The following ASH1L variants were observed in gnomAD, a reference collection of about 807,000 sequenced individuals.
The protein encoded by ASH1L is ASH1 like histone lysine methyltransferase.
A neutral mutation model predicts 269.0 loss-of-function variants in ASH1L; 23 were observed. The observed-to-expected ratio is 0.09, with a 90% confidence interval of 0.06 to 0.12. ASH1L has a LOEUF of 0.12. ASH1L is among the 10% of genes least tolerant of loss of function. ASH1L has a pLI of 1.00. For missense variants in ASH1L, 2,912 were observed against 3,567.8 expected (o/e 0.82, Z 4.68); for synonymous variants, 1,187 against 1,253.5 (o/e 0.95, Z 1.12).
At chr1:155,431,038 CCT>C (rs1024153174) in intron 5 of ASH1L, among the ~76,000 whole-genome samples, 15 of 151,778 alleles carry the variant, frequency 9.9e-5, no homozygotes, top group African/African-American at 3.4e-4. Flanking sequence ...ATGGTGAAAC[CCT>C]GTCTCTACTA....
intron 12 of ASH1L, among the ~76,000 whole-genome samples, chr1:155,369,403 C>T (rs978702899): frequency 1.3e-5 from 2 of 151,328 alleles, no homozygotes; most frequent in Admixed American, 6.6e-5. Context: ...GCTGAGATCG[C>T]GCCACTGCAC....
chr1:155,555,748 T>A (rs2148921449), intron 1 of ASH1L, among the ~76,000 whole-genome samples: 1 of 152,310 alleles, frequency 6.6e-6, no homozygotes, highest in Non-Finnish European at 1.5e-5. Context: ...CACAGGGAAT[T>A]CCCTACTGAT....
In ASH1L at chr1:155,423,347, G is replaced by A. The variant is rs543851647; in HGVS notation, c.5829-7424C>T. Among the ~76,000 whole-genome samples, 6 of 151,926 alleles carry A rather than the reference G, an allele frequency of 3.9e-5. No homozygotes were observed. The East Asian group carries it at 9.9e-4, about 25-fold the overall frequency. ...TGTAATCCCAGCACGTTGGGAGGCCGAGGCAGGCAGATCACGAGTTCAGGA... is the reference window on the plus strand; with the variant it reads ...TGTAATCCCAGCACGTTGGGAGGCCAAGGCAGGCAGATCACGAGTTCAGGA... On this transcript the variant is annotated intron_variant, in intron 5 of 27. Transcript: ENST00000392403.
intron 7 of ASH1L, among the ~76,000 whole-genome samples, chr1:155,390,153 T>TA (rs1657798435): frequency 6.6e-6 from 1 of 151,992 alleles, no homozygotes; most frequent in African/African-American, 2.4e-5. Context: ...GTATCCAAAA[T>TA]AAAAAAAGTT....
intron 13 of ASH1L, 61 bp downstream of exon 13, chr1:155,360,240 A>C: frequency 8.9e-7 from 1 of 1,127,444 alleles, no homozygotes; most frequent in Admixed American, 1.7e-5. Flanking sequence ...CAGAAAGCTC[A>C]TGTTATTACA....
chr1:155,490,165 C>T (rs191934478), intron 2 of ASH1L, among the ~76,000 whole-genome samples: 2 of 151,778 alleles, frequency 1.3e-5, no homozygotes, highest in Admixed American at 1.3e-4. Flanking sequence ...GGGGTTTCAC[C>T]GTGTTAGCCA....
intron 3 of ASH1L, among the ~76,000 whole-genome samples, chr1:155,472,377 T>G (rs1665170330): frequency 6.6e-6 from 1 of 152,148 alleles, no homozygotes; most frequent in Admixed American, 6.6e-5. Context: ...TCTTTCTCAT[T>G]CCCCAAGGAC....
rs1345649483 is a variant in ASH1L at position 155,490,654 on chromosome 1, A to ACACACACACT, written c.421-8206_421-8205insAGTGTGTGTG. ...CACACACACACACACATACACACAC[A>ACACACACACT]CTCTCTCTCTCTCTTTTTCTGGCCA... On this transcript the variant is annotated intron_variant, in intron 2 of 27. Transcript: ENST00000392403. Among the ~76,000 whole-genome samples the ACACACACACT allele has an allele frequency of 1.2e-3, 180 of 148,352 alleles. 1 individual carries two copies. Among genetic ancestry groups the ACACACACACT allele is most frequent in the African/African-American group, 4.2e-3 (167 of 40,222 alleles).
chr1:155,562,985 A>T (rs752158897), upstream of ASH1L: 55 of 455,804 alleles, frequency 1.2e-4, no homozygotes, highest in South Asian at 7.4e-4. Flanking sequence ...CTGCAGGGGC[A>T]GGAGAGGAAG....
chr1:155,452,338 C>T (rs1185575849), intron 4 of ASH1L, among the ~76,000 whole-genome samples: 4 of 151,922 alleles, frequency 2.6e-5, no homozygotes, highest in Admixed American at 1.3e-4. Flanking sequence ...TGCGTCCTGC[C>T]GGTAAATTTT....
At chr1:155,460,004 A>G (rs1186602478) in intron 3 of ASH1L, 106 bp from the exon 4 acceptor site, 8 of 746,444 alleles carry the variant, frequency 1.1e-5, no homozygotes, top group Non-Finnish European at 1.7e-5. Context: ...TGCCACTGTC[A>G]TCCCCTGTAA....
In ASH1L at chr1:155,343,421, C is replaced by T. The variant is rs1652978260; in HGVS notation, c.8186G>A (p.Arg2729His). The change falls in exon 24 of 28, where the codon CGT becomes CAT. Residue 2729 changes from arginine to histidine, a missense_variant. By Grantham distance (29) the Arg-to-His change is conservative. Transcript: ENST00000392403. The surrounding 1 kb of genome is among the most constrained non-coding windows in gnomAD (Gnocchi z 6.1). Reference protein sequence around the residue: ...RPHETHHSPSRRFYHNELFRV... With the variant: ...RPHETHHSPSHRFYHNELFRV... ...AAATAGTTCATTATGATAGAACCGA[C>T]GGGATGGAGAGTGGTGTGTTTCGTG... is the stretch of plus-strand genomic sequence containing the variant. 4 of 1,614,134 alleles carry T rather than the reference C, an allele frequency of 2.5e-6. No individual in the cohort carries two copies. The highest frequency in any genetic ancestry group is 2.5e-6 in the Non-Finnish European group (3 of 1,180,018).
At chr1:155,555,592 A>G (rs929303256) in intron 1 of ASH1L, among the ~76,000 whole-genome samples, 3 of 152,200 alleles carry the variant, frequency 2.0e-5, no homozygotes, top group African/African-American at 7.2e-5. Context: ...ATGACTAAAA[A>G]ACTGTAAGAA....
At chr1:155,384,427 T>C (rs1657237139) in intron 7 of ASH1L, among the ~76,000 whole-genome samples, 1 of 152,204 alleles carries the variant, frequency 6.6e-6, no homozygotes, top group South Asian at 2.1e-4. Context: ...ATTTGAATTG[T>C]TTTATCCTTA....
intron 5 of ASH1L, among the ~76,000 whole-genome samples, chr1:155,427,420 G>A (rs111613718): frequency 6.6e-6 from 1 of 151,928 alleles, no homozygotes; most frequent in Non-Finnish European, 1.5e-5. Flanking sequence ...CGATTGTCCT[G>A]CCTCAGGCTC....
At chr1:155,385,138 A>G (rs980580463) in intron 7 of ASH1L, among the ~76,000 whole-genome samples, 1 of 152,162 alleles carries the variant, frequency 6.6e-6, no homozygotes, top group Admixed American at 6.6e-5. Flanking sequence ...TCAGTTATAA[A>G]AATTCTAATT....
chr1:155,455,018 A>G (rs1663774829), intron 4 of ASH1L, among the ~76,000 whole-genome samples: 1 of 152,178 alleles, frequency 6.6e-6, no homozygotes, highest in South Asian at 2.1e-4. Flanking sequence ...AGACGAAATG[A>G]TTCTGTGAAA....
Position 155,521,199 on chromosome 1 carries a change from T to C in ASH1L, c.321A>G (p.Val107=), listed in dbSNP as rs905035758. The C allele has an allele frequency of 3.7e-6, 6 of 1,614,136 alleles. No individual in the cohort carries two copies. The highest frequency in any genetic ancestry group is 2.2e-5 in the East Asian group (1 of 44,884). The stretch of plus-strand genomic sequence containing the variant: ...TAGTTGTTTTTATGGCAGGTCGACA[T>C]ACATAGTTCTCCAAGTTCTTTGGAG... ...KKPPKNLENY[V]CRPAIKTTIK... The change falls in exon 2 of 28, where the codon GTA becomes GTG. Residue 107 remains valine (V), a synonymous_variant. Coordinates refer to ENST00000392403, the MANE Select transcript of ASH1L (RefSeq NM_018489.3).
intron 3 of ASH1L, among the ~76,000 whole-genome samples, chr1:155,477,317 T>A (rs568363670): frequency 6.6e-6 from 1 of 152,188 alleles, no homozygotes; most frequent in East Asian, 1.9e-4. Context: ...TATGAAAACA[T>A]CAAAAGGTAT....
Sources: allele counts gnomAD v4.1 joint callset (sites outside exome capture counted in the v4.1 genomes callset), GRCh38; gene constraint gnomAD v4.1.1; non-coding constraint Gnocchi (gnomAD v3.1); transcripts MANE v1.5; gene names NCBI Gene and HGNC (gene_info 2026-07-23, HGNC 2026-07-21).